TSC22D3: variants seen among roughly 807,000 people sequenced by gnomAD.
TSC22D3 encodes the protein TSC22 domain family member 3.
In TSC22D3, 4 loss-of-function variants were observed where a neutral mutation model predicts 11.1. The ratio of observed to expected loss-of-function variants is 0.36; its 90% CI spans 0.18 to 0.83. The LOEUF (loss-of-function observed/expected upper bound fraction) is 0.83. Among genes scored for constraint, TSC22D3 ranks in the 40% least tolerant of loss-of-function variants. TSC22D3 has a pLI of 0.48. For synonymous variants in TSC22D3, 77 were observed against 70.3 expected (o/e 1.10, Z -0.48); for missense variants, 118 against 159.4 (o/e 0.74, Z 1.40).
chrX:107,713,611 C>T lies in TSC22D3; in HGVS notation c.*908G>A, dbSNP rs1926843404. 1 of 112,817 alleles carries T rather than the reference C, an allele frequency of 8.9e-6. No individual in the cohort carries two copies. The highest frequency in any genetic ancestry group is 9.4e-5 in the Admixed American group (1 of 10,671). 9.3% of individuals were successfully genotyped at this position (112,817 alleles called of 1,213,427 possible). ...AAACAGGACTTCACGTTTCAGTGGA[C>T]AGCTGGGGAAAGGGTTGCAGCAGCA... On this transcript the variant is annotated 3_prime_UTR_variant, in exon 3 of 3. Transcript: ENST00000372383.
intron 1 of TSC22D3, among the ~76,000 whole-genome samples, chrX:107,745,857 A>G (rs143194921): frequency 1.8e-5 from 2 of 112,682 alleles, no homozygotes; most frequent in African/African-American, 3.2e-5. Context: ...TTTCACAAGT[A>G]TGTGTGAATT....
intron 1 of TSC22D3, among the ~76,000 whole-genome samples, chrX:107,729,027 G>A (rs1853508872): frequency 8.9e-6 from 1 of 112,186 alleles, no homozygotes; most frequent in South Asian, 3.7e-4. Context: ...GCCTCTGAGT[G>A]GGCAGCTTTA....
intron 1 of TSC22D3, among the ~76,000 whole-genome samples, chrX:107,745,819 T>C (rs1195968266): frequency 1.8e-5 from 2 of 112,447 alleles, no homozygotes; most frequent in African/African-American, 6.5e-5. Flanking sequence ...ATTACAGTTA[T>C]AGCCACTGGT....
intron 1 of TSC22D3, among the ~76,000 whole-genome samples, chrX:107,743,253 G>T (rs1403878038): frequency 8.9e-6 from 1 of 112,084 alleles, no homozygotes; most frequent in African/African-American, 3.3e-5. Flanking sequence ...AACGTCCCTT[G>T]TTCCAAACAA....
In TSC22D3 at chrX:107,775,462, G is replaced by C. The variant is rs776112248; in HGVS notation, c.-43C>G. 5.5e-6 allele frequency: 6 copies of C among 1,096,148 alleles called. No homozygotes were observed. The highest frequency in any genetic ancestry group is 7.3e-6 in the Non-Finnish European group (6 of 825,612). The allele number at this position is 1,096,148 out of a possible 1,213,427, so 90.3% of individuals were successfully genotyped here. On this transcript the variant is annotated 5_prime_UTR_variant, in exon 1 of 3. Transcript: ENST00000372383. ...TCGCCTGGCCTGCGAGGTCAGGGGC[G>C]GCTGGCAGGTGCGCGCCCACCGAGC...
chrX:107,716,735 GAGA>G (rs767271142), intron 1 of TSC22D3: 2 of 1,209,184 alleles, frequency 1.7e-6, no homozygotes, highest in Non-Finnish European at 2.2e-6. Flanking sequence ...AAGCAGAGAA[GAGA>G]AGAAGGAGAT....
At chrX:107,744,460 G>A (rs952791557) in intron 1 of TSC22D3, among the ~76,000 whole-genome samples, 8 of 110,115 alleles carry the variant, frequency 7.3e-5, no homozygotes, top group Admixed American at 3.8e-4. Context: ...CAGCCTGGGT[G>A]ATACAGTGAG....
At chrX:107,749,484 T>C (rs377262549) in intron 1 of TSC22D3, among the ~76,000 whole-genome samples, 26 of 109,774 alleles carry the variant, frequency 2.4e-4, no homozygotes, top group East Asian at 1.1e-3. Context: ...AGAAACAGGG[T>C]CTTGCCAAGT....
chrX:107,741,034 C>T (rs56363165), intron 1 of TSC22D3, among the ~76,000 whole-genome samples: 1 of 110,380 alleles, frequency 9.1e-6, no homozygotes, highest in East Asian at 2.9e-4. Flanking sequence ...TTAGGTTTGC[C>T]TAAGCCATCT....
intron 1 of TSC22D3, among the ~76,000 whole-genome samples, chrX:107,747,449 G>A (rs1305267222): frequency 8.9e-6 from 1 of 112,630 alleles, no homozygotes; most frequent in Non-Finnish European, 1.9e-5. Flanking sequence ...TGTGATCTAC[G>A]CAGTGCAGTG....
At chrX:107,749,973 T>C (rs1054887774) in intron 1 of TSC22D3, among the ~76,000 whole-genome samples, 1 of 111,676 alleles carries the variant, frequency 9.0e-6, no homozygotes, top group Non-Finnish European at 1.9e-5. Context: ...TAGCAATCGG[T>C]ACTGGAAGGC....
chrX:107,727,052 C>T (rs1185644288), intron 1 of TSC22D3, among the ~76,000 whole-genome samples: 1 of 111,616 alleles, frequency 9.0e-6, no homozygotes, highest in African/African-American at 3.3e-5. Context: ...CACAGATACT[C>T]CTTGGACATC....
In TSC22D3 at chrX:107,764,904, C is replaced by T. The variant is rs762147011; in HGVS notation, c.320+10196G>A. ...GAGGTGCCTCCCTACTCCCAGGCCCCGAAGGCCTCTGCCTCCCCAGGGCTA... is the reference window on the plus strand; with the variant it reads ...GAGGTGCCTCCCTACTCCCAGGCCCTGAAGGCCTCTGCCTCCCCAGGGCTA... On this transcript the variant is annotated intron_variant, in intron 1 of 2. Transcript: ENST00000372383. 8.9e-5 allele frequency among the ~76,000 whole-genome samples: 10 copies of T among 112,020 alleles called. No homozygotes were observed. The East Asian group carries it at 2.5e-3, about 29-fold the overall frequency.
At chrX:107,759,683 T>G (rs1476944250) in intron 1 of TSC22D3, among the ~76,000 whole-genome samples, 2 of 112,621 alleles carry the variant, frequency 1.8e-5, no homozygotes, top group Non-Finnish European at 3.8e-5. Context: ...CTTTCCACCT[T>G]CATCTCACAG....
intron 1 of TSC22D3, among the ~76,000 whole-genome samples, chrX:107,732,919 G>A (rs1038566023): frequency 1.8e-5 from 2 of 110,167 alleles, no homozygotes; most frequent in Admixed American, 9.6e-5. Flanking sequence ...GCAACATGAC[G>A]AAACGCCGTC....
intron 1 of TSC22D3, among the ~76,000 whole-genome samples, chrX:107,750,117 T>C (rs1928869513): frequency 8.9e-6 from 1 of 111,874 alleles, no homozygotes; most frequent in Admixed American, 9.5e-5. Context: ...CACCTGTGAA[T>C]AGCCACTGTA....
In TSC22D3 at chrX:107,715,968, A is replaced by G; in HGVS notation, c.321-18T>C. 3 of 1,209,721 alleles carry G rather than the reference A, an allele frequency of 2.5e-6. No individual in the cohort carries two copies. Among genetic ancestry groups the G allele is most frequent in the South Asian group, 3.5e-5 (2 of 56,889 alleles). ...CGGAGGCACTGCCAAGACAAAAAGC[A>G]AAGCGACCCATTACCCACTCGGTTC... On this transcript the variant is annotated intron_variant, in intron 1 of 2. Transcript: ENST00000372383.
At chrX:107,740,138 A>G (rs573494510) in intron 1 of TSC22D3, among the ~76,000 whole-genome samples, 1 of 112,269 alleles carries the variant, frequency 8.9e-6, no homozygotes, top group African/African-American at 3.2e-5. Context: ...ACTTACCCAA[A>G]GTCATACCGG....
At chrX:107,725,805 C>T (rs938311753) in intron 1 of TSC22D3, among the ~76,000 whole-genome samples, 6 of 110,748 alleles carry the variant, frequency 5.4e-5, no homozygotes, top group South Asian at 3.8e-4. Context: ...CAGGGACATG[C>T]GGCGGGGGAG....
Sources: gnomAD v4.1 joint callset for allele counts (sites outside exome capture counted in the v4.1 genomes callset) on GRCh38, gnomAD v4.1.1 for gene constraint, MANE v1.5 for transcripts, NCBI Gene and HGNC (gene_info 2026-07-23, HGNC 2026-07-21) for gene names.